The following LRBA variants were observed in gnomAD, a reference collection of about 807,000 sequenced individuals.
LRBA encodes the protein LPS responsive beige-like anchor protein.
In LRBA, 176 loss-of-function variants were observed where a neutral mutation model predicts 330.0. The observed-to-expected ratio is 0.53, with a 90% CI of 0.47 to 0.60. The LOEUF is 0.60. LRBA is among the 20% of genes least tolerant of loss of function. The probability of loss-of-function intolerance (pLI) is 0.00; values close to 1 mark genes in which losing one functional copy is unlikely to be tolerated. For synonymous variants in LRBA, 1,230 were observed against 1,193.0 expected (o/e 1.03, Z -0.64); for missense variants, 3,259 against 3,444.8 (o/e 0.95, Z 1.35).
chr4:150,825,352 C>T (rs532770667), intron 30 of LRBA, among the ~76,000 whole-genome samples: 1 of 152,132 alleles, frequency 6.6e-6, no homozygotes, highest in Admixed American at 6.5e-5. Context: ...CATCTCAGAG[C>T]ACGCAGTTCA....
chr4:150,629,138 G>C (rs1777130152), intron 37 of LRBA, among the ~76,000 whole-genome samples: 1 of 152,104 alleles, frequency 6.6e-6, no homozygotes, highest in South Asian at 2.1e-4. Flanking sequence ...CTGGTCTCAA[G>C]CAATCCTCCT....
chr4:150,701,910 C>T (rs997098618), intron 36 of LRBA, among the ~76,000 whole-genome samples: 1 of 152,114 alleles, frequency 6.6e-6, no homozygotes, highest in Non-Finnish European at 1.5e-5. Context: ...GCAGAACCAT[C>T]CTGGGCCAAA....
intron 24 of LRBA, among the ~76,000 whole-genome samples, chr4:150,850,385 C>T (rs927676643): frequency 6.6e-6 from 1 of 152,080 alleles, no homozygotes; most frequent in African/African-American, 2.4e-5. Context: ...TGAGCAACTG[C>T]GCCCGGCCTA....
chr4:150,327,310 C>T (rs1224128493), intron 48 of LRBA, among the ~76,000 whole-genome samples: 3 of 151,858 alleles, frequency 2.0e-5, no homozygotes, highest in Non-Finnish European at 4.4e-5. Flanking sequence ...GTCCCAGATA[C>T]TTAGGAGGCT....
chr4:150,894,897 T>G (rs1729896154), intron 16 of LRBA, among the ~76,000 whole-genome samples: 1 of 152,190 alleles, frequency 6.6e-6, no homozygotes, highest in African/African-American at 2.4e-5. Context: ...TAAAAATTAA[T>G]AGAATTGCCT....
chr4:150,819,265 TGG>T (rs1025236053), intron 30 of LRBA, among the ~76,000 whole-genome samples: 3 of 151,616 alleles, frequency 2.0e-5, no homozygotes, highest in Non-Finnish European at 2.9e-5. Context: ...TAATTGCCTC[TGG>T]GGGATAGGAA....
intron 40 of LRBA, among the ~76,000 whole-genome samples, chr4:150,567,221 G>T (rs74985983): frequency 6.6e-6 from 1 of 152,042 alleles, no homozygotes; most frequent in East Asian, 1.9e-4. Flanking sequence ...AATAAAAAAC[G>T]TGAGCCAGAG....
chr4:150,439,825 T>G (rs903505721), intron 44 of LRBA, among the ~76,000 whole-genome samples: 2 of 152,156 alleles, frequency 1.3e-5, no homozygotes, highest in African/African-American at 4.8e-5. Context: ...GCTAATACAT[T>G]CTACCATGCT....
At chr4:150,775,506 G>A (rs1166219634) in intron 34 of LRBA, among the ~76,000 whole-genome samples, 2 of 145,126 alleles carry the variant, frequency 1.4e-5, no homozygotes, top group Admixed American at 6.9e-5. Flanking sequence ...CACACACAGT[G>A]ATTGCAGCAT....
chr4:150,656,942 T>C (rs1780247188), intron 37 of LRBA, among the ~76,000 whole-genome samples: 1 of 152,166 alleles, frequency 6.6e-6, no homozygotes, highest in South Asian at 2.1e-4. Context: ...AGGTTAAACA[T>C]ATAAAAAGGC....
At chr4:150,366,502 G>A (rs1011086547) in intron 47 of LRBA, among the ~76,000 whole-genome samples, 1 of 152,190 alleles carries the variant, frequency 6.6e-6, no homozygotes, top group Admixed American at 6.5e-5. Context: ...CATGGCAAGA[G>A]TTAATTGAAA....
chr4:150,502,810 A>C (rs991928367), intron 40 of LRBA, among the ~76,000 whole-genome samples: 19 of 152,312 alleles, frequency 1.2e-4, no homozygotes, highest in African/African-American at 3.6e-4. Flanking sequence ...TAGTCAAAGA[A>C]AGGGGTGACA....
chr4:150,880,864 A>C (rs2127045566), intron 17 of LRBA, among the ~76,000 whole-genome samples: 1 of 152,346 alleles, frequency 6.6e-6, no homozygotes, highest in Admixed American at 6.5e-5. Flanking sequence ...AATCCCATTA[A>C]AAAATGGGAA....
At chr4:150,416,668 TATAA>T (rs1299918900) in intron 46 of LRBA, among the ~76,000 whole-genome samples, 4 of 151,308 alleles carry the variant, frequency 2.6e-5, no homozygotes, top group Non-Finnish European at 5.9e-5. Context: ...AAAGCTTAGC[TATAA>T]ATAAAATTAG....
At chr4:150,606,278 T>C (rs982063892) in intron 37 of LRBA, among the ~76,000 whole-genome samples, 3 of 152,074 alleles carry the variant, frequency 2.0e-5, no homozygotes, top group South Asian at 2.1e-4. Context: ...ATACTACCAG[T>C]TAAAGCTCTA....
intron 2 of LRBA, among the ~76,000 whole-genome samples, chr4:150,946,850 G>C (rs1736302484): frequency 6.6e-6 from 1 of 150,624 alleles, no homozygotes; most frequent in Non-Finnish European, 1.5e-5. Flanking sequence ...TTAAAAAGCA[G>C]CAAGAAATAA....
At chr4:150,485,840 G>C (rs992765218) in intron 42 of LRBA, among the ~76,000 whole-genome samples, 1 of 151,926 alleles carries the variant, frequency 6.6e-6, no homozygotes, top group East Asian at 1.9e-4. Flanking sequence ...TATTAAGGTA[G>C]TGTTTGCATG....
intron 40 of LRBA, among the ~76,000 whole-genome samples, chr4:150,510,602 T>C (rs1761717080): frequency 6.6e-6 from 1 of 152,212 alleles, no homozygotes; most frequent in African/African-American, 2.4e-5. Context: ...CTACGCAGTT[T>C]CCTTTTGTAG....
chr4:150,880,045 A>C (rs1406608574), intron 17 of LRBA, among the ~76,000 whole-genome samples: 2 of 152,228 alleles, frequency 1.3e-5, no homozygotes, highest in Non-Finnish European at 2.9e-5. Context: ...ATAAAAACAG[A>C]CACATGTGTC....
Sources: allele counts gnomAD v4.1 joint callset (sites outside exome capture counted in the v4.1 genomes callset), GRCh38; gene constraint gnomAD v4.1.1; transcripts MANE v1.5; gene names NCBI Gene and HGNC (gene_info 2026-07-23, HGNC 2026-07-21).